Variants in SLC22A23 observed in about 807,000 individuals in gnomAD.
SLC22A23 encodes ion transporter protein.
SLC22A23 carries 26 observed loss-of-function variants against 61.0 expected under a neutral mutation model. That is an observed-to-expected ratio of 0.43 (90% CI 0.31 to 0.59). The LOEUF (loss-of-function observed/expected upper bound fraction) is 0.59. SLC22A23 is among the 20% of genes least tolerant of loss of function. SLC22A23 has a pLI of 0.11. For synonymous variants in SLC22A23, 430 were observed against 413.9 expected (o/e 1.04, Z -0.47); for missense variants, 796 against 934.7 (o/e 0.85, Z 1.94).
At chr6:3,434,052 C>G (rs953347667) in intron 1 of SLC22A23, among the ~76,000 whole-genome samples, 2 of 152,218 alleles carry the variant, frequency 1.3e-5, no homozygotes, top group Admixed American at 6.5e-5. Context: ...CAGTGGCTCA[C>G]CCCTGTAATC....
chr6:3,322,963 TA>T lies in SLC22A23; in HGVS notation c.1082+870del, dbSNP rs1417271132. Among the ~76,000 whole-genome samples the T allele has an allele frequency of 3.3e-5, 5 of 152,308 alleles. No homozygotes were observed. The highest frequency in any genetic ancestry group is 1.2e-4 in the African/African-American group (5 of 41,562). On this transcript the variant is annotated intron_variant, in intron 4 of 9. Transcript: ENST00000406686. This position sits in a 1 kb window ranked among gnomAD's most constrained non-coding sequence, Gnocchi z 4.1. Reference sequence around the variant, plus strand: ...GGGAAAGGATGAAAAACAGCATTTATAAAAAGGTAAAAGTATCATTTTTAGG... The same window carrying T: ...GGGAAAGGATGAAAAACAGCATTTATAAAAGGTAAAAGTATCATTTTTAGG...
At chr6:3,290,053 C>CCAGCTTTG (rs1282639615) in intron 5 of SLC22A23, 187 bp from the exon 6 acceptor site, 1 of 619,940 alleles carries the variant, frequency 1.6e-6, no homozygotes, top group African/African-American at 1.9e-5. Flanking sequence ...TCATAAGACC[C>CCAGCTTTG]CAGCTTTGCA....
At position 3,287,163 on chromosome 6, in the gene SLC22A23, C is replaced by G. The variant is rs1344870531; in HGVS notation, c.1314-72G>C. The G allele has an allele frequency of 1.5e-5, 21 of 1,434,962 alleles. No individual in the cohort carries two copies. In the East Asian group the frequency reaches 4.3e-4, roughly 30 times the overall value. The allele number at this position is 1,434,962 out of a possible 1,614,324, so 88.9% of individuals were successfully genotyped here. ...GGGGCTGCGCTGCCTCCTGGGAGTT[C>G]GTGCTGTCAGGTGACCAGGAGATGA... On this transcript the variant is annotated intron_variant, in intron 6 of 9. Transcript: ENST00000406686.
Position 3,329,154 on chromosome 6 carries a change from TC to T in SLC22A23, c.914-5153del, listed in dbSNP as rs34973823. ...AGGGGTGGCCAAAGTTTTAACATTC[TC>T]CCCCCACCTCCCTCATCCCCCACAA... On this transcript the variant is annotated intron_variant, in intron 3 of 9. Transcript: ENST00000406686. This position sits in a 1 kb window ranked among gnomAD's most constrained non-coding sequence, Gnocchi z 4.8. Among the ~76,000 whole-genome samples the T allele has an allele frequency of 1.3e-5, 2 of 151,624 alleles. No individual in the cohort carries two copies. Among genetic ancestry groups the T allele is most frequent in the Admixed American group, 6.6e-5 (1 of 15,226 alleles).
At chr6:3,331,422 GC>G (rs1207048132) in intron 3 of SLC22A23, among the ~76,000 whole-genome samples, 1 of 152,096 alleles carries the variant, frequency 6.6e-6, no homozygotes, top group Admixed American at 6.5e-5. Context: ...CTTTACCAGT[GC>G]CCCCCAATCA....
rs1167791822 is a variant in SLC22A23 at position 3,333,578 on chromosome 6, A to G, written c.914-9576T>C. 6.6e-6 allele frequency among the ~76,000 whole-genome samples: 1 copy of G among 152,136 alleles called. No individual in the cohort carries two copies. The highest frequency in any genetic ancestry group is 1.5e-5 in the Non-Finnish European group (1 of 68,034). ...CCGTCTGTCCTCCCCAGGGAGTTGCATATCTCCCTCCTCCTTTTCTCAGGT... is the reference window on the plus strand; with the variant it reads ...CCGTCTGTCCTCCCCAGGGAGTTGCGTATCTCCCTCCTCCTTTTCTCAGGT... On this transcript the variant is annotated intron_variant, in intron 3 of 9. Transcript: ENST00000406686. This position sits in a 1 kb window ranked among gnomAD's most constrained non-coding sequence, Gnocchi z 4.1.
chr6:3,348,920 TG>T (rs1212758855), intron 3 of SLC22A23, among the ~76,000 whole-genome samples: 1 of 152,240 alleles, frequency 6.6e-6, no homozygotes, highest in East Asian at 1.9e-4. Context: ...CAACTGGTAC[TG>T]TCTTCCCTTC....
chr6:3,336,429 A>T (rs1763863733), intron 3 of SLC22A23, among the ~76,000 whole-genome samples: 1 of 152,196 alleles, frequency 6.6e-6, no homozygotes, highest in Non-Finnish European at 1.5e-5. Flanking sequence ...GTTCTATTTC[A>T]ATACTGCTAA....
chr6:3,284,399 C>T (rs1759772967), intron 8 of SLC22A23, among the ~76,000 whole-genome samples: 1 of 152,178 alleles, frequency 6.6e-6, no homozygotes, highest in Non-Finnish European at 1.5e-5. Flanking sequence ...ACTCAAGCCA[C>T]AGAATTTATG....
At chr6:3,352,058 C>T (rs149586610) in intron 3 of SLC22A23, among the ~76,000 whole-genome samples, 40 of 152,302 alleles carry the variant, frequency 2.6e-4, no homozygotes, top group Non-Finnish European at 5.0e-4. Context: ...TCCATGGCCT[C>T]CCCTCCCCAG....
At chr6:3,428,546 A>T (rs953275051) in intron 1 of SLC22A23, among the ~76,000 whole-genome samples, 5 of 152,196 alleles carry the variant, frequency 3.3e-5, no homozygotes, top group African/African-American at 1.2e-4. Flanking sequence ...AATTCTCTCC[A>T]TTCACTACTG....
intron 2 of SLC22A23, 28 bp downstream of exon 2, chr6:3,415,724 T>A (rs1228834691): frequency 1.2e-5 from 18 of 1,478,534 alleles, no homozygotes; most frequent in Non-Finnish European, 1.4e-5. Context: ...CCTCCAAAGG[T>A]TCGTGCGGCG....
chr6:3,308,529 A>G lies in SLC22A23; in HGVS notation c.1083-10311T>C, dbSNP rs890327536. On this transcript the variant is annotated intron_variant, in intron 4 of 9. Coordinates refer to ENST00000406686, the MANE Select transcript of SLC22A23 (RefSeq NM_015482.2). The surrounding 1 kb of genome is among the most constrained non-coding windows in gnomAD (Gnocchi z 5.1). ...CAGTGGCTCTTCTCCTGAGGTCTTG[A>G]ATAAAAGCACATTAATTCCTACTTG... Among the ~76,000 whole-genome samples the G allele has an allele frequency of 3.9e-5, 6 of 152,204 alleles. No individual in the cohort carries two copies. The highest frequency in any genetic ancestry group is 7.3e-5 in the Non-Finnish European group (5 of 68,038).
intron 3 of SLC22A23, among the ~76,000 whole-genome samples, chr6:3,365,570 G>A (rs1236835428): frequency 2.6e-5 from 4 of 152,096 alleles, no homozygotes; most frequent in South Asian, 4.1e-4. Flanking sequence ...ATGCCCTTGC[G>A]TAGCACAGTC....
intron 1 of SLC22A23, among the ~76,000 whole-genome samples, chr6:3,439,080 C>T (rs543949115): frequency 6.7e-5 from 10 of 148,306 alleles, no homozygotes; most frequent in African/African-American, 2.6e-4. Flanking sequence ...CGGATCTGAC[C>T]GGGGTTTCTC....
intron 9 of SLC22A23, among the ~76,000 whole-genome samples, chr6:3,278,878 G>A (rs368995971): frequency 1.3e-5 from 2 of 152,098 alleles, no homozygotes; most frequent in Non-Finnish European, 2.9e-5. Context: ...AAATGTGGAC[G>A]GCACTGACAA....
chr6:3,294,901 TAGG>T (rs1760936137), intron 5 of SLC22A23, among the ~76,000 whole-genome samples: 1 of 152,164 alleles, frequency 6.6e-6, no homozygotes, highest in South Asian at 2.1e-4. Flanking sequence ...AGTCCAAGGT[TAGG>T]ATGTACTGAT....
intron 9 of SLC22A23, among the ~76,000 whole-genome samples, chr6:3,279,843 C>CTA (rs1439007705): frequency 2.0e-5 from 3 of 152,064 alleles, no homozygotes; most frequent in Admixed American, 1.3e-4. Context: ...AATTGTAATA[C>CTA]CCACGGGATA....
chr6:3,383,780 G>A (rs889521517), intron 3 of SLC22A23, among the ~76,000 whole-genome samples: 2 of 152,260 alleles, frequency 1.3e-5, no homozygotes, highest in African/African-American at 4.8e-5. Context: ...GAGCAAGTGA[G>A]GTGGGGGCGG....
Sources: allele counts gnomAD v4.1 joint callset (sites outside exome capture counted in the v4.1 genomes callset), GRCh38; gene constraint gnomAD v4.1.1; non-coding constraint Gnocchi (gnomAD v3.1); transcripts MANE v1.5; gene names NCBI Gene and HGNC (gene_info 2026-07-23, HGNC 2026-07-21).